The following TBL1X variants were observed in gnomAD, a reference collection of about 807,000 sequenced individuals.
TBL1X encodes the protein F-box-like/WD repeat-containing protein TBL1X.
Under a neutral mutation model 50.7 loss-of-function variants are expected in TBL1X, and 10 were observed. The ratio of observed to expected loss-of-function variants is 0.20; its 90% CI spans 0.12 to 0.33. The LOEUF (loss-of-function observed/expected upper bound fraction) is 0.33, where lower values mean the gene tolerates loss of function less well. Among genes scored for constraint, TBL1X ranks in the 10% least tolerant of loss-of-function variants. The pLI is 1.00. For missense variants in TBL1X, 340 were observed against 504.4 expected, an observed-to-expected ratio of 0.67 and a Z score of 3.12; for synonymous variants, 190 against 214.7, an observed-to-expected ratio of 0.88 and a Z score of 1.01.
At chrX:9,534,622 A>G (rs751626567) in intron 2 of TBL1X, among the ~76,000 whole-genome samples, 1 of 111,351 alleles carries the variant, frequency 9.0e-6, no homozygotes, top group Admixed American at 9.5e-5. Context: ...TCACTAAAGT[A>G]GACTCAGGAT....
intron 2 of TBL1X, among the ~76,000 whole-genome samples, chrX:9,628,442 T>C (rs2082703606): frequency 8.9e-6 from 1 of 112,387 alleles, no homozygotes; most frequent in African/African-American, 3.2e-5. Context: ...CTTCTGTAAT[T>C]TTAATAGCAA....
chrX:9,490,641 G>A (rs1237601213), intron 1 of TBL1X, among the ~76,000 whole-genome samples: 2 of 112,239 alleles, frequency 1.8e-5, no homozygotes, highest in Non-Finnish European at 3.8e-5. Context: ...TTCCATATAA[G>A]TAGACACGGA....
chrX:9,489,371 G>C (rs1335636545), intron 1 of TBL1X, among the ~76,000 whole-genome samples: 6 of 111,961 alleles, frequency 5.4e-5, no homozygotes, highest in Non-Finnish European at 1.1e-4. Flanking sequence ...TTGTTAATCA[G>C]CATTTTGGCT....
At chrX:9,501,900 G>C (rs780283671) in intron 2 of TBL1X, 51 bp downstream of exon 2, 1 of 110,331 alleles carries the variant, frequency 9.1e-6, no homozygotes, top group African/African-American at 3.3e-5. Context: ...ATTCTTTCCT[G>C]TGAGATTTCC....
chrX:9,671,208 G>C (rs2082958511), intron 5 of TBL1X, among the ~76,000 whole-genome samples: 1 of 112,418 alleles, frequency 8.9e-6, no homozygotes. Context: ...AAATCAGCAA[G>C]GGGAAAAGGC....
Position 9,691,726 on chromosome X carries a change from GT to G in TBL1X, c.749+16del. ...CTAGCCTCCGGGTAAGGATGTCAGGGTGGGGGGCGCTCCAGAGTTGGGGAGA... is the reference window on the plus strand; with the variant it reads ...CTAGCCTCCGGGTAAGGATGTCAGGGGGGGGGCGCTCCAGAGTTGGGGAGA... On this transcript the variant is annotated intron_variant, in intron 8 of 17. Coordinates refer to ENST00000645353, the MANE Select transcript of TBL1X (RefSeq NM_005647.4). 2 of 1,207,984 alleles carry G rather than the reference GT, an allele frequency of 1.7e-6. No homozygotes were observed. The highest frequency in any genetic ancestry group is 2.2e-6 in the Non-Finnish European group (2 of 893,439).
chrX:9,510,143 G>A (rs1478181468), intron 2 of TBL1X, among the ~76,000 whole-genome samples: 3 of 111,133 alleles, frequency 2.7e-5, no homozygotes, highest in African/African-American at 6.6e-5. Context: ...GGGTGCTATG[G>A]CATTGGGTGG....
intron 7 of TBL1X, among the ~76,000 whole-genome samples, chrX:9,689,114 G>A (rs991122106): frequency 8.8e-6 from 1 of 113,455 alleles, no homozygotes; most frequent in Non-Finnish European, 1.9e-5. Context: ...GTGTGCGCAC[G>A]CACGCACACC....
At chrX:9,642,306 T>C (rs960179794) in intron 3 of TBL1X, among the ~76,000 whole-genome samples, 1 of 111,673 alleles carries the variant, frequency 9.0e-6, no homozygotes, top group African/African-American at 3.3e-5. Context: ...ATGCAGATAG[T>C]CATTTGGCAT....
chrX:9,553,622 C>T, intron 2 of TBL1X, among the ~76,000 whole-genome samples: 1 of 111,360 alleles, frequency 9.0e-6, no homozygotes, highest in Admixed American at 9.5e-5. Flanking sequence ...TCTATGGATT[C>T]CTCCTTCCTC....
At chrX:9,487,132 C>CT (rs1249844680) in intron 1 of TBL1X, among the ~76,000 whole-genome samples, 3 of 111,811 alleles carry the variant, frequency 2.7e-5, no homozygotes, top group Non-Finnish European at 3.8e-5. Context: ...TTCTTCTTCT[C>CT]TTTTTTAATG....
chrX:9,516,430 C>T (rs934799214), intron 2 of TBL1X, among the ~76,000 whole-genome samples: 4 of 111,998 alleles, frequency 3.6e-5, no homozygotes, highest in African/African-American at 1.3e-4. Flanking sequence ...AGCGAAAATA[C>T]AGCCTTTCTC....
chrX:9,537,068 A>C (rs948514222), intron 2 of TBL1X, among the ~76,000 whole-genome samples: 2 of 111,851 alleles, frequency 1.8e-5, no homozygotes, highest in Non-Finnish European at 1.9e-5. Context: ...CCTCTCATGT[A>C]ATCATTTGGT....
chrX:9,616,041 T>A (rs2082637694), intron 2 of TBL1X, among the ~76,000 whole-genome samples: 1 of 111,923 alleles, frequency 8.9e-6, no homozygotes, highest in Admixed American at 9.5e-5. Context: ...CAGACACAAA[T>A]CTTACGTGCT....
chrX:9,641,134 A>T (rs1002824466), intron 3 of TBL1X, among the ~76,000 whole-genome samples: 3 of 112,122 alleles, frequency 2.7e-5, no homozygotes, highest in African/African-American at 9.7e-5. Flanking sequence ...CAGTTTCTTA[A>T]TATGATTTGT....
intron 13 of TBL1X, among the ~76,000 whole-genome samples, chrX:9,708,359 G>A (rs1291050559): frequency 8.9e-6 from 1 of 112,527 alleles, no homozygotes; most frequent in African/African-American, 3.2e-5. Context: ...CCTGTGTCAT[G>A]TGTGTTTGTG....
intron 2 of TBL1X, among the ~76,000 whole-genome samples, chrX:9,512,469 T>C (rs1407091862): frequency 9.1e-6 from 1 of 109,616 alleles, no homozygotes; most frequent in African/African-American, 3.3e-5. Context: ...CTAATTGCTC[T>C]TGTGGGCTTT....
chrX:9,527,067 C>A (rs1028539493), intron 2 of TBL1X, among the ~76,000 whole-genome samples: 1 of 112,212 alleles, frequency 8.9e-6, no homozygotes, highest in African/African-American at 3.2e-5. Context: ...GGAGATCGCA[C>A]AGGGGAAAGG....
chrX:9,566,212 A>G (rs1032117131), intron 2 of TBL1X, among the ~76,000 whole-genome samples: 3 of 111,846 alleles, frequency 2.7e-5, no homozygotes, highest in African/African-American at 9.8e-5. Flanking sequence ...GTTCCGCAGC[A>G]TCTCTGGCCT....
Sources: allele counts gnomAD v4.1 joint callset (sites outside exome capture counted in the v4.1 genomes callset), GRCh38; gene constraint gnomAD v4.1.1; transcripts MANE v1.5; gene names NCBI Gene and HGNC (gene_info 2026-07-23, HGNC 2026-07-21).